Variants in SYN3 observed in about 807,000 individuals in gnomAD.
SYN3 encodes synapsin-3.
Under a neutral mutation model 65.8 loss-of-function variants are expected in SYN3, and 35 were observed. That is an observed-to-expected ratio of 0.53 (90% CI 0.41 to 0.70). The LOEUF is 0.70. Ranked by LOEUF, SYN3 falls within the 30% of genes least tolerant of loss-of-function variation. SYN3 has a pLI of 0.00. For missense variants in SYN3, 680 were observed against 749.0 expected (o/e 0.91, Z 1.08); for synonymous variants, 270 against 292.9 (o/e 0.92, Z 0.80).
In SYN3 at chr22:32,513,566, G is replaced by T; in HGVS notation, c.*126C>A. Reference sequence around the variant, plus strand: ...TAGATAATCGGTTCCTGGGTCAAAGGCATTTAGAAAGTATGTTCTCAGGCC... The same window carrying T: ...TAGATAATCGGTTCCTGGGTCAAAGTCATTTAGAAAGTATGTTCTCAGGCC... On this transcript the variant is annotated 3_prime_UTR_variant, in exon 14 of 14. Coordinates refer to ENST00000358763, the MANE Select transcript of SYN3 (RefSeq NM_003490.4). 1 of 1,246,736 alleles carries T rather than the reference G, an allele frequency of 8.0e-7. No homozygotes were observed. The highest frequency in any genetic ancestry group is 2.2e-5 in the Admixed American group (1 of 44,522). 77.2% of individuals were successfully genotyped at this position (1,246,736 alleles called of 1,614,324 possible). A position where few individuals can be genotyped will look rare whatever the true frequency, so the allele number is the denominator to read the frequency against.
rs202047889 is a variant in SYN3 at position 32,529,037 on chromosome 22, C to T, written c.1096-29G>A. On this transcript the variant is annotated intron_variant, in intron 10 of 13. Transcript: ENST00000358763. The stretch of plus-strand genomic sequence containing the variant: ...TGGGGAGGAAGGGAGAGCTGAGGGA[C>T]CCCCATGCCAGGAGAGATGGCGGTT... The T allele has an allele frequency of 1.9e-4, 302 of 1,613,068 alleles. No individual in the cohort carries two copies. The African/African-American group carries it at 3.9e-3, about 21-fold the overall frequency.
At chr22:32,678,504 C>T (rs891259125) in intron 6 of SYN3, among the ~76,000 whole-genome samples, 2 of 152,198 alleles carry the variant, frequency 1.3e-5, no homozygotes, top group African/African-American at 4.8e-5. Context: ...AGTACTCTTA[C>T]TAAGATCATC....
chr22:32,999,074 G>C (rs2052981682), intron 2 of SYN3, among the ~76,000 whole-genome samples: 1 of 152,174 alleles, frequency 6.6e-6, no homozygotes, highest in South Asian at 2.1e-4. Flanking sequence ...ACATTAGGAA[G>C]AGTAAGAGAC....
chr22:32,726,963 G>A (rs897736006), intron 6 of SYN3, among the ~76,000 whole-genome samples: 2 of 141,238 alleles, frequency 1.4e-5, no homozygotes, highest in African/African-American at 5.2e-5. Flanking sequence ...CATTGAAACT[G>A]GAATGAAGTT....
chr22:32,887,748 C>G (rs1166475715), intron 4 of SYN3, among the ~76,000 whole-genome samples: 1 of 152,162 alleles, frequency 6.6e-6, no homozygotes, highest in African/African-American at 2.4e-5. Context: ...GTTTATTGTT[C>G]ACGAGTTGAC....
intron 2 of SYN3, among the ~76,000 whole-genome samples, chr22:32,986,770 T>C (rs1365836): frequency 0.63 from 95,026 of 151,376 alleles, 30,171 homozygotes; most frequent in East Asian, 0.78. Context: ...AATCTCATAA[T>C]AAGCTCCCTG....
At chr22:32,642,218 G>T (rs2059911159) in intron 6 of SYN3, among the ~76,000 whole-genome samples, 1 of 151,694 alleles carries the variant, frequency 6.6e-6, no homozygotes, top group Non-Finnish European at 1.5e-5. Context: ...GAACCTGGGA[G>T]ACGGAGGTTG....
chr22:32,867,772 G>A (rs1028955575), intron 5 of SYN3, among the ~76,000 whole-genome samples: 5 of 152,094 alleles, frequency 3.3e-5, no homozygotes, highest in African/African-American at 1.2e-4. Flanking sequence ...TAGTAGAGAC[G>A]GGGTTTCACC....
chr22:32,815,059 G>T (rs1324084588), intron 6 of SYN3, among the ~76,000 whole-genome samples: 1 of 152,128 alleles, frequency 6.6e-6, no homozygotes, highest in African/African-American at 2.4e-5. Flanking sequence ...TCTCAGTTTG[G>T]ACTAGTTGCG....
rs552010587 is a variant in SYN3 at position 32,773,155 on chromosome 22, C to A, written c.711+91760G>T. Reference sequence around the variant, plus strand: ...CGGGCGTGGTGGCTCATGGGTAATCCTAGCACTTTGGGAGGCTGAGGTGGG... The same window carrying A: ...CGGGCGTGGTGGCTCATGGGTAATCATAGCACTTTGGGAGGCTGAGGTGGG... On this transcript the variant is annotated intron_variant, in intron 6 of 13. Transcript: ENST00000358763. Among the ~76,000 whole-genome samples, 4 of 152,190 alleles carry A rather than the reference C, an allele frequency of 2.6e-5. 1 individual carries two copies. In the South Asian group the frequency reaches 8.3e-4, roughly 32 times the overall value.
chr22:32,709,944 T>C (rs975214893), intron 6 of SYN3, among the ~76,000 whole-genome samples: 2 of 151,916 alleles, frequency 1.3e-5, no homozygotes, highest in African/African-American at 4.8e-5. Context: ...GTTACTTCCA[T>C]TATTTTACTT....
At chr22:32,833,848 A>T (rs373016276) in intron 6 of SYN3, 88 of 501,194 alleles carry the variant, frequency 1.8e-4, no homozygotes, top group Non-Finnish European at 2.1e-4. Context: ...TTTAGCACTG[A>T]TCATGCATGG....
chr22:32,728,266 T>C (rs2061224174), intron 6 of SYN3, among the ~76,000 whole-genome samples: 1 of 152,230 alleles, frequency 6.6e-6, no homozygotes, highest in African/African-American at 2.4e-5. Flanking sequence ...AAAGAGCTTC[T>C]GCACAGCAAA....
At chr22:32,575,893 C>CA (rs58954908) in intron 7 of SYN3, among the ~76,000 whole-genome samples, 2,949 of 150,908 alleles carry the variant, frequency 0.02, 74 homozygotes, top group African/African-American at 0.059. Flanking sequence ...ACAAAACAAA[C>CA]AAAAAAAAAC....
intron 10 of SYN3, among the ~76,000 whole-genome samples, chr22:32,532,989 G>A (rs1490621135): frequency 1.3e-5 from 2 of 150,536 alleles, no homozygotes; most frequent in Non-Finnish European, 3.0e-5. Context: ...GGGGGGCAGG[G>A]AAGAAGAGTT....
At chr22:32,756,891 C>G (rs4546086) in intron 6 of SYN3, among the ~76,000 whole-genome samples, 1 of 152,192 alleles carries the variant, frequency 6.6e-6, no homozygotes, top group South Asian at 2.1e-4. Flanking sequence ...AAAGAAAAGC[C>G]TAACACACCA....
chr22:32,741,577 G>A lies in SYN3; in HGVS notation c.711+123338C>T, dbSNP rs148152289. ...TCACTGTGTTAGTCAGGATGGTCTC[G>A]ATCTCCTGACCTCGTGATCCGCCTG... On this transcript the variant is annotated intron_variant, in intron 6 of 13. Transcript: ENST00000358763. Among the ~76,000 whole-genome samples, 542 of 151,804 alleles carry A rather than the reference G, an allele frequency of 3.6e-3. 7 individuals are homozygous for A. The highest frequency in any genetic ancestry group is 0.012 in the African/African-American group (512 of 41,390).
intron 6 of SYN3, among the ~76,000 whole-genome samples, chr22:32,742,026 C>A (rs778649143): frequency 6.6e-6 from 1 of 151,858 alleles, no homozygotes; most frequent in Non-Finnish European, 1.5e-5. Flanking sequence ...GTAATCCCAG[C>A]ACTTTGGGAG....
intron 2 of SYN3, among the ~76,000 whole-genome samples, chr22:32,996,752 A>G (rs1044128507): frequency 2.0e-5 from 3 of 152,222 alleles, no homozygotes; most frequent in East Asian, 3.9e-4. Flanking sequence ...AGAAGGTCCA[A>G]TTTGCAAACC....
Sources: allele counts gnomAD v4.1 joint callset (sites outside exome capture counted in the v4.1 genomes callset), GRCh38; gene constraint gnomAD v4.1.1; transcripts MANE v1.5; gene names NCBI Gene and HGNC (gene_info 2026-07-23, HGNC 2026-07-21).